PLPP3: variants seen among roughly 807,000 people sequenced by gnomAD.
PLPP3 encodes PAP2 beta.
In PLPP3, 6 loss-of-function variants were observed where a neutral mutation model predicts 29.6. The ratio of observed to expected loss-of-function variants is 0.20; its 90% CI spans 0.11 to 0.40. PLPP3 has a LOEUF of 0.40. PLPP3 is among the 10% of genes least tolerant of loss of function. The pLI, the probability that PLPP3 is intolerant of heterozygous loss-of-function variation, is 1.00. For synonymous variants in PLPP3, 152 were observed against 159.7 expected (o/e 0.95, Z 0.36); for missense variants, 308 against 407.7 (o/e 0.76, Z 2.11).
chr1:56,549,333 A>G (rs1646024033), intron 1 of PLPP3, among the ~76,000 whole-genome samples: 2 of 152,182 alleles, frequency 1.3e-5, no homozygotes, highest in Admixed American at 6.5e-5. Context: ...CATTGGTTCA[A>G]TGAAGAAATG....
rs748732333 is a variant in PLPP3 at position 56,537,129 on chromosome 1, C to A, written c.140-17G>T. The A allele has an allele frequency of 6.2e-7, 1 of 1,610,210 alleles. No individual in the cohort carries two copies. Among genetic ancestry groups the A allele is most frequent in the East Asian group, 2.2e-5 (1 of 44,766 alleles). On this transcript the variant is annotated splice_polypyrimidine_tract_variant and intron_variant, in intron 1 of 5. Transcript: ENST00000371250. ...GGAGGCCCGCTGGTCCAGGTGGAAC[C>A]ATGGCATATACCAGAAAAAAAAAGA...
chr1:56,497,907 AAG>A, intron 5 of PLPP3, among the ~76,000 whole-genome samples: 1 of 152,322 alleles, frequency 6.6e-6, no homozygotes, highest in East Asian at 1.9e-4. Flanking sequence ...TCGTTACCTC[AAG>A]AGAAGGGAAC....
At chr1:56,517,240 T>C (rs1645787060) in intron 4 of PLPP3, among the ~76,000 whole-genome samples, 1 of 152,206 alleles carries the variant, frequency 6.6e-6, no homozygotes, top group Non-Finnish European at 1.5e-5. Context: ...AGTGAGAAAC[T>C]TTCTCCCTTC....
At chr1:56,530,906 CCTT>C (rs753307286) in intron 2 of PLPP3, among the ~76,000 whole-genome samples, 1 of 152,178 alleles carries the variant, frequency 6.6e-6, no homozygotes, top group Non-Finnish European at 1.5e-5. Context: ...TGAAGCCACT[CCTT>C]CTGCCTAGGT....
At chr1:56,575,602 T>C (rs562994802) in intron 1 of PLPP3, among the ~76,000 whole-genome samples, 1 of 152,340 alleles carries the variant, frequency 6.6e-6, no homozygotes, top group African/African-American at 2.4e-5. Flanking sequence ...AATTTTCTGA[T>C]AAGAACCTGA....
intron 5 of PLPP3, among the ~76,000 whole-genome samples, chr1:56,509,362 C>G (rs1301230554): frequency 6.6e-6 from 1 of 152,166 alleles, no homozygotes; most frequent in East Asian, 1.9e-4. Context: ...TTCGGGTTAA[C>G]TGCAGGGCCT....
chr1:56,508,694 C>T (rs1557498149), intron 5 of PLPP3, among the ~76,000 whole-genome samples: 1 of 152,158 alleles, frequency 6.6e-6, no homozygotes, highest in Non-Finnish European at 1.5e-5. Flanking sequence ...GTCACAGACT[C>T]CTGCTTGGCA....
chr1:56,504,185 C>T (rs7554557), intron 5 of PLPP3, among the ~76,000 whole-genome samples: 25,528 of 152,136 alleles, frequency 0.17, 3,083 homozygotes, highest in African/African-American at 0.33. Flanking sequence ...AGCAATTTTG[C>T]GGAGCATGCT....
intron 5 of PLPP3, among the ~76,000 whole-genome samples, chr1:56,509,339 A>G (rs1263458991): frequency 6.6e-6 from 1 of 152,192 alleles, no homozygotes. Context: ...GCAGCTAACT[A>G]TGGAGCTTCT....
intron 1 of PLPP3, among the ~76,000 whole-genome samples, chr1:56,554,178 T>TC (rs1267530958): frequency 6.6e-6 from 1 of 150,978 alleles, no homozygotes; most frequent in East Asian, 2.0e-4. Context: ...TAGATCTACC[T>TC]TTTTTTTTAG....
At chr1:56,578,452 C>T (rs1345828989) in intron 1 of PLPP3, among the ~76,000 whole-genome samples, 1 of 152,112 alleles carries the variant, frequency 6.6e-6, no homozygotes, top group Non-Finnish European at 1.5e-5. Flanking sequence ...AGCTCGGCTC[C>T]AGGCAGGAGC....
Position 56,537,072 on chromosome 1 carries a change from C to A in PLPP3, c.180G>T (p.Lys60Asn), listed in dbSNP as rs1207605327. The A allele has an allele frequency of 6.2e-7, 1 of 1,613,164 alleles. No individual in the cohort carries two copies. The highest frequency in any genetic ancestry group is 8.5e-7 in the Non-Finnish European group (1 of 1,179,714). Residue 60 changes from lysine (K) to asparagine (N), a missense_variant, in exon 2 of 6, where the codon AAG becomes AAT. Around this residue, in one of 3 missense-constraint regions of PLPP3, gnomAD observed 9 missense variants for 29.3 expected, o/e 0.31. Coordinates refer to ENST00000371250, the MANE Select transcript of PLPP3 (RefSeq NM_003713.5). ...TGCAGTAAAACCCTCGGTGGTAAGG[C>A]TTGATGGTGCTTGTCTCGATGATGA... The part of the protein sequence containing the change: ...PFLIIETSTI[K>N]PYHRGFYCND...
At chr1:56,502,074 C>T (rs145648371) in intron 5 of PLPP3, among the ~76,000 whole-genome samples, 66 of 152,280 alleles carry the variant, frequency 4.3e-4, no homozygotes, top group African/African-American at 1.5e-3. Context: ...GCCTAGAGGT[C>T]ACCAAGAACC....
chr1:56,571,995 G>A (rs1646201301), intron 1 of PLPP3, among the ~76,000 whole-genome samples: 2 of 150,834 alleles, frequency 1.3e-5, no homozygotes, highest in African/African-American at 4.9e-5. Context: ...AGCAAATACA[G>A]AGGGTCCCCT....
intron 2 of PLPP3, among the ~76,000 whole-genome samples, chr1:56,528,224 G>A (rs1190715968): frequency 6.6e-6 from 1 of 152,154 alleles, no homozygotes; most frequent in Non-Finnish European, 1.5e-5. Context: ...GGAAAGCATT[G>A]CAATTAAGCT....
chr1:56,531,191 T>G (rs1332294234), intron 2 of PLPP3, among the ~76,000 whole-genome samples: 2 of 152,204 alleles, frequency 1.3e-5, no homozygotes, highest in South Asian at 4.1e-4. Flanking sequence ...TGAACTCCCA[T>G]AGCACTTTAT....
In PLPP3 at chr1:56,557,010, G is replaced by GAAAGAAAGAA. The variant is rs1235067963; in HGVS notation, c.140-19899_140-19898insTTCTTTCTTT. Among the ~76,000 whole-genome samples the GAAAGAAAGAA allele has an allele frequency of 4.6e-3, 49 of 10,742 alleles. 1 individual carries two copies. Among genetic ancestry groups the GAAAGAAAGAA allele is most frequent in the Middle Eastern group, 0.033 (1 of 30 alleles). 7.0% of individuals were successfully genotyped at this position (10,742 alleles called of 152,430 possible). On this transcript the variant is annotated intron_variant, in intron 1 of 5. Transcript: ENST00000371250. ...AGAAAGAAAGAAAGAAAGAAAGAAA[G>GAAAGAAAGAA]AGAGAGAGAGAGAGAAAGAGAGAGA...
chr1:56,559,556 A>ATTTTT, intron 1 of PLPP3, among the ~76,000 whole-genome samples: 1 of 145,192 alleles, frequency 6.9e-6, no homozygotes, highest in African/African-American at 2.5e-5. Context: ...CCAGCCTTGA[A>ATTTTT]TTTTTTTTTT....
intron 1 of PLPP3, among the ~76,000 whole-genome samples, chr1:56,553,143 T>G (rs1225738970): frequency 6.6e-6 from 1 of 152,216 alleles, no homozygotes; most frequent in Non-Finnish European, 1.5e-5. Flanking sequence ...TGAGAAATGC[T>G]GGCCTAAATA....
Sources: gnomAD v4.1 joint callset for allele counts (sites outside exome capture counted in the v4.1 genomes callset) on GRCh38, gnomAD v4.1.1 for gene constraint, gnomAD v4.1.1 regional missense constraint, MANE v1.5 for transcripts, NCBI Gene and HGNC (gene_info 2026-07-23, HGNC 2026-07-21) for gene names.